KCTD8: variants seen among roughly 807,000 people sequenced by gnomAD.
The protein encoded by KCTD8 is BTB/POZ domain-containing protein KCTD8.
Under a neutral mutation model 31.5 loss-of-function variants are expected in KCTD8, and 27 were observed. That is an observed-to-expected ratio of 0.86 (90% CI 0.63 to 1.18). KCTD8 has a LOEUF of 1.18. Among genes scored for constraint, KCTD8 ranks in the 50% most tolerant of loss-of-function variants. KCTD8 has a pLI of 0.00. For synonymous variants in KCTD8, 290 were observed against 280.0 expected (o/e 1.04, Z -0.36); for missense variants, 658 against 647.7 (o/e 1.02, Z -0.17).
At chr4:44,389,953 A>T (rs1181074373) in intron 1 of KCTD8, among the ~76,000 whole-genome samples, 1 of 151,796 alleles carries the variant, frequency 6.6e-6, no homozygotes, top group South Asian at 2.1e-4. Flanking sequence ...TTGTCTGTTC[A>T]TGTCCTTAGC....
intron 1 of KCTD8, among the ~76,000 whole-genome samples, chr4:44,284,162 A>T (rs986949375): frequency 6.6e-6 from 1 of 152,170 alleles, no homozygotes; most frequent in Non-Finnish European, 1.5e-5. Flanking sequence ...AAAAGAGCCC[A>T]CATAGCCAAG....
intron 1 of KCTD8, among the ~76,000 whole-genome samples, chr4:44,177,283 C>T (rs979269854): frequency 5.3e-5 from 8 of 152,050 alleles, no homozygotes; most frequent in African/African-American, 1.9e-4. Context: ...CCTAACCCCA[C>T]CCCACCCCCA....
chr4:44,447,579 G>C lies in KCTD8; in HGVS notation c.945C>G (p.Thr315=), dbSNP rs754595486. The C allele has an allele frequency of 1.9e-6, 3 of 1,581,798 alleles. No individual in the cohort carries two copies. The highest frequency in any genetic ancestry group is 2.3e-5 in the East Asian group (1 of 43,330). Residue 315 remains threonine (T), a synonymous_variant, in exon 1 of 2, where the codon ACC becomes ACG. Transcript: ENST00000360029. ...YRDDKIWSSY[T]EYIFFRPPQK... ...CGAACTTACGGAAGAAAATGTACTC[G>C]GTGTAGCTGCTCCAGATCTTGTCGT... is the stretch of plus-strand genomic sequence containing the variant.
chr4:44,336,800 T>A (rs1718758938), intron 1 of KCTD8, among the ~76,000 whole-genome samples: 1 of 152,030 alleles, frequency 6.6e-6, no homozygotes, highest in Non-Finnish European at 1.5e-5. Flanking sequence ...CATACCTTTA[T>A]TAGGAGATAG....
chr4:44,286,430 A>C lies in KCTD8; in HGVS notation c.962-111180T>G, dbSNP rs568543533. 1.1e-4 allele frequency among the ~76,000 whole-genome samples: 17 copies of C among 152,220 alleles called. No individual in the cohort carries two copies. The East Asian group carries it at 3.1e-3, about 28-fold the overall frequency. ...CTGTTTAAACCCTTTATAACACAAT[A>C]TATTTGCCAGGAATTGCTGTTGCCT... On this transcript the variant is annotated intron_variant, in intron 1 of 1. Coordinates refer to ENST00000360029, the MANE Select transcript of KCTD8 (RefSeq NM_198353.3).
intron 1 of KCTD8, among the ~76,000 whole-genome samples, chr4:44,257,546 T>A (rs931521088): frequency 1.3e-5 from 2 of 151,992 alleles, no homozygotes; most frequent in African/African-American, 4.8e-5. Context: ...GCTAAAACAA[T>A]GACAATGTTT....
At position 44,250,150 on chromosome 4, in the gene KCTD8, T is replaced by C. The variant is rs183677894; in HGVS notation, c.962-74900A>G. Among the ~76,000 whole-genome samples the C allele has an allele frequency of 2.5e-3, 376 of 151,912 alleles. 1 individual carries two copies. Among genetic ancestry groups the C allele is most frequent in the African/African-American group, 8.3e-3 (345 of 41,508 alleles). ...GTGTAAGATTATACATGTTCATGGG[T>C]GAGTTTTTTTAGGCTCTTAGAAGTG... On this transcript the variant is annotated intron_variant, in intron 1 of 1. Coordinates refer to ENST00000360029, the MANE Select transcript of KCTD8 (RefSeq NM_198353.3).
chr4:44,271,624 C>T (rs1006564720), intron 1 of KCTD8, among the ~76,000 whole-genome samples: 1 of 152,132 alleles, frequency 6.6e-6, no homozygotes, highest in African/African-American at 2.4e-5. Context: ...ACCTGGCCCA[C>T]CCAGGGCAGA....
At chr4:44,377,912 T>C (rs1289727746) in intron 1 of KCTD8, among the ~76,000 whole-genome samples, 1 of 152,154 alleles carries the variant, frequency 6.6e-6, no homozygotes, top group African/African-American at 2.4e-5. Context: ...ATTCCTTTCC[T>C]ATCTTCCTAG....
intron 1 of KCTD8, among the ~76,000 whole-genome samples, chr4:44,233,485 C>G (rs1422939664): frequency 6.6e-6 from 1 of 152,102 alleles, no homozygotes; most frequent in African/African-American, 2.4e-5. Flanking sequence ...AATCTGTATA[C>G]AGCATGTGAA....
At chr4:44,185,765 C>T (rs1713567413) in intron 1 of KCTD8, among the ~76,000 whole-genome samples, 1 of 150,838 alleles carries the variant, frequency 6.6e-6, no homozygotes. Flanking sequence ...TTTTTAATAA[C>T]CCATAGTTGT....
intron 1 of KCTD8, among the ~76,000 whole-genome samples, chr4:44,331,316 C>T (rs890171782): frequency 2.6e-5 from 4 of 151,758 alleles, no homozygotes; most frequent in African/African-American, 7.2e-5. Flanking sequence ...CACAGGCAGG[C>T]ATACCCAGTG....
At chr4:44,208,692 C>A (rs373142447) in intron 1 of KCTD8, among the ~76,000 whole-genome samples, 12 of 152,296 alleles carry the variant, frequency 7.9e-5, no homozygotes, top group Admixed American at 2.6e-4. Flanking sequence ...TGCTCATATA[C>A]TGCCCTGCCC....
At chr4:44,374,677 G>A in intron 1 of KCTD8, among the ~76,000 whole-genome samples, 1 of 152,072 alleles carries the variant, frequency 6.6e-6, no homozygotes, top group East Asian at 1.9e-4. Flanking sequence ...GGCCACTATA[G>A]GGAGGCTTGA....
At chr4:44,359,413 A>T (rs892465995) in intron 1 of KCTD8, among the ~76,000 whole-genome samples, 7 of 152,258 alleles carry the variant, frequency 4.6e-5, no homozygotes, top group African/African-American at 1.7e-4. Flanking sequence ...AATTTTGCAT[A>T]TGCCAACTTA....
chr4:44,435,606 C>T (rs7438438), intron 1 of KCTD8, among the ~76,000 whole-genome samples: 152,147 of 152,164 alleles, frequency 1, 76,065 homozygotes, highest in Non-Finnish European at 1. Context: ...CACATTAATA[C>T]GTAAAGAAAT....
intron 1 of KCTD8, among the ~76,000 whole-genome samples, chr4:44,236,082 C>A (rs983751470): frequency 2.6e-5 from 4 of 152,136 alleles, no homozygotes; most frequent in African/African-American, 9.7e-5. Context: ...GGAGAGAGTG[C>A]CTGCAACTGA....
At position 44,448,179 on chromosome 4, in the gene KCTD8, G is replaced by T. The variant is rs751619148; in HGVS notation, c.345C>A (p.Asp115Glu). 13 of 1,612,474 alleles carry T rather than the reference G, an allele frequency of 8.1e-6. No homozygotes were observed. The highest frequency in any genetic ancestry group is 1.1e-5 in the Non-Finnish European group (13 of 1,179,724). ...AGTGCTCCGGCAGCGCGAGTTGCTT[G>T]TCCCGCAGATAATCCAGCACGTACC... ...LFRYVLDYLR[D>E]KQLALPEHFP... Residue 115 changes from aspartate to glutamate, a missense_variant, in exon 1 of 2, where the codon GAC becomes GAA. Transcript: ENST00000360029. This position sits in a 1 kb window ranked among gnomAD's most constrained non-coding sequence, Gnocchi z 4.1.
At chr4:44,364,842 G>A (rs1209692592) in intron 1 of KCTD8, among the ~76,000 whole-genome samples, 1 of 151,828 alleles carries the variant, frequency 6.6e-6, no homozygotes, top group African/African-American at 2.4e-5. Flanking sequence ...ATGACATTCT[G>A]GGAAAGGGAA....
Sources: allele counts gnomAD v4.1 joint callset (sites outside exome capture counted in the v4.1 genomes callset), GRCh38; gene constraint gnomAD v4.1.1; non-coding constraint Gnocchi (gnomAD v3.1); transcripts MANE v1.5; gene names NCBI Gene and HGNC (gene_info 2026-07-23, HGNC 2026-07-21).